Variants in DHX9 observed in about 807,000 individuals in gnomAD.
DHX9 encodes the protein ATP-dependent RNA helicase A.
Under a neutral mutation model 148.7 loss-of-function variants are expected in DHX9, and 27 were observed. That is an observed-to-expected ratio of 0.18 (90% CI 0.13 to 0.25). The LOEUF is 0.25. Among genes scored for constraint, DHX9 ranks in the 10% least tolerant of loss-of-function variants. The pLI, the probability that DHX9 is intolerant of heterozygous loss-of-function variation, is 1.00. For missense variants in DHX9, 796 were observed against 1,559.6 expected, an observed-to-expected ratio of 0.51 and a Z score of 8.25; for synonymous variants, 529 against 516.6, an observed-to-expected ratio of 1.02 and a Z score of -0.33.
In DHX9 at chr1:182,876,917, A is replaced by C; in HGVS notation, c.2198+14A>C. ...TGACTCCTGCAAGTAAGTTACTGGG[A>C]AACCTATTTGTCTGCTCCAGTGTTA... is the stretch of plus-strand genomic sequence containing the variant. On this transcript the variant is annotated intron_variant, in intron 19 of 27. Transcript: ENST00000367549. 1.3e-6 allele frequency: 2 copies of C among 1,597,586 alleles called. No homozygotes were observed. Among genetic ancestry groups the C allele is most frequent in the Non-Finnish European group, 1.7e-6 (2 of 1,166,332 alleles).
rs117476677 is a variant in DHX9, at chr1:182,880,433, A to T, written c.2513-64A>T. On this transcript the variant is annotated intron_variant, in intron 21 of 27. Transcript: ENST00000367549. Reference sequence around the variant, plus strand: ...ACTGTCTTAACCTTAATTTAGAGTAATGTTTTGTCTGCCTAAAATTAGTGT... The same window carrying T: ...ACTGTCTTAACCTTAATTTAGAGTATTGTTTTGTCTGCCTAAAATTAGTGT... 9.4e-5 allele frequency: 102 copies of T among 1,081,984 alleles called. No individual in the cohort carries two copies. The East Asian group carries it at 2.4e-3, about 26-fold the overall frequency. 67.0% of individuals were successfully genotyped at this position (1,081,984 alleles called of 1,614,324 possible). A position where few individuals can be genotyped will look rare whatever the true frequency, so the allele number is the denominator to read the frequency against.
At position 182,859,103 on chromosome 1, in the gene DHX9, C is replaced by A; in HGVS notation, c.1126C>A (p.His376Asn). The change falls in exon 11 of 28, where the codon CAT becomes AAT. Residue 376 changes from histidine to asparagine, a missense_variant. Physicochemically the swap from His to Asn is moderately conservative, Grantham distance 68 (BLOSUM62 1). Around this residue, in one of 14 missense-constraint regions of DHX9, gnomAD observed 42 missense variants for 27.1 expected, o/e 1.55. Transcript: ENST00000367549. ...ATTGATGTACCAGTTGGAACAGGAT[C>A]ATGATTTGCAAGCAGTAAGTCTGAA... is the stretch of plus-strand genomic sequence containing the variant. ...NELMYQLEQD[H>N]DLQAILQERE... is the part of the protein sequence containing the mutation. 6.2e-7 allele frequency: 1 copy of A among 1,613,892 alleles called. No individual in the cohort carries two copies. The highest frequency in any genetic ancestry group is 2.2e-5 in the East Asian group (1 of 44,862).
At chr1:182,843,526 G>A in intron 3 of DHX9, 92 bp downstream of exon 3, 2 of 1,232,100 alleles carry the variant, frequency 1.6e-6, no homozygotes, top group Non-Finnish European at 2.2e-6. Context: ...ATTTTTCACT[G>A]TTTTCAGATA....
At chr1:182,839,776 G>C (rs897918038) in intron 1 of DHX9, 7 of 152,524 alleles carry the variant, frequency 4.6e-5, no homozygotes, top group African/African-American at 1.4e-4. Flanking sequence ...CTGAGGGAAG[G>C]GGGTGCTTCG....
intron 14 of DHX9, among the ~76,000 whole-genome samples, chr1:182,871,439 T>C (rs1051158196): frequency 2.6e-5 from 4 of 152,206 alleles, no homozygotes; most frequent in African/African-American, 7.2e-5. Flanking sequence ...ATATAAATAA[T>C]GGTACCACTT....
At chr1:182,865,000 G>C (rs1427725400) in intron 12 of DHX9, among the ~76,000 whole-genome samples, 1 of 152,102 alleles carries the variant, frequency 6.6e-6, no homozygotes, top group Non-Finnish European at 1.5e-5. Flanking sequence ...AGTAGCATGT[G>C]AACACACCTC....
chr1:182,875,560 G>A (rs1648722635), intron 16 of DHX9, among the ~76,000 whole-genome samples: 1 of 152,132 alleles, frequency 6.6e-6, no homozygotes, highest in Non-Finnish European at 1.5e-5. Context: ...GGATTATCTG[G>A]AAATACAGAC....
rs1356057081 is a variant in DHX9, at chr1:182,866,511, A to C, written c.1400A>C (p.Lys467Thr). ...TTTGAAAGAGGAGAAGAGCCTGGAA[A>C]AAGCTGTGGCTACAGCGTTCGATTT... is the stretch of plus-strand genomic sequence containing the variant. The part of the protein sequence containing the change: ...VAFERGEEPG[K>T]SCGYSVRFES... Residue 467 changes from lysine (K) to threonine (T), a missense_variant, in exon 13 of 28, where the codon AAA becomes ACA. Physicochemically the swap from Lys to Thr is moderately conservative, Grantham distance 78. This residue lies in a region of DHX9 where 58 missense variants were observed against 122.8 expected (regional missense o/e 0.47). Coordinates refer to ENST00000367549, the MANE Select transcript of DHX9 (RefSeq NM_001357.5). The C allele has an allele frequency of 1.2e-6, 2 of 1,614,064 alleles. No individual in the cohort carries two copies. Among genetic ancestry groups the C allele is most frequent in the East Asian group, 4.5e-5 (2 of 44,884 alleles).
At chr1:182,880,825 G>A (rs548526384) in intron 22 of DHX9, among the ~76,000 whole-genome samples, 3 of 152,254 alleles carry the variant, frequency 2.0e-5, no homozygotes, top group South Asian at 4.1e-4. Context: ...AAAGGGCACT[G>A]ATTTCTCAAA....
intron 12 of DHX9, among the ~76,000 whole-genome samples, chr1:182,861,945 G>A (rs1225451239): frequency 2.6e-5 from 4 of 152,222 alleles, no homozygotes. Context: ...TGAAGGTACA[G>A]TAAGTCTAAG....
intron 2 of DHX9, 82 bp from the exon 3 acceptor site, chr1:182,843,212 T>C (rs1667963322): frequency 1.8e-5 from 20 of 1,127,806 alleles, no homozygotes; most frequent in Non-Finnish European, 2.4e-5. Flanking sequence ...TTGTTGTCTC[T>C]TAATGGACTA....
In DHX9 at chr1:182,867,055, G is replaced by A; in HGVS notation, c.1557+12G>A. The A allele has an allele frequency of 2.6e-6, 4 of 1,537,040 alleles. No individual in the cohort carries two copies. The highest frequency in any genetic ancestry group is 2.3e-5 in the South Asian group (2 of 85,312). On this transcript the variant is annotated intron_variant, in intron 14 of 27. Coordinates refer to ENST00000367549, the MANE Select transcript of DHX9 (RefSeq NM_001357.5). ...AAAGAGATATTAATGTAAGTAACTTGAGAGGTACAGTAAGGTACTTAATTC... is the reference window on the plus strand; with the variant it reads ...AAAGAGATATTAATGTAAGTAACTTAAGAGGTACAGTAAGGTACTTAATTC...
chr1:182,853,153 C>G (rs1220575517), intron 4 of DHX9, among the ~76,000 whole-genome samples, 153 bp from the exon 5 acceptor site: 1 of 151,972 alleles, frequency 6.6e-6, no homozygotes, highest in Non-Finnish European at 1.5e-5. Flanking sequence ...TCTCAAACTC[C>G]TGACCACACG....
intron 3 of DHX9, among the ~76,000 whole-genome samples, chr1:182,846,507 T>G (rs2102589900): frequency 6.6e-6 from 1 of 152,374 alleles, no homozygotes; most frequent in Middle Eastern, 3.4e-3. Context: ...GTGCTGGGAT[T>G]ACAGGCGTGA....
chr1:182,856,513 C>G lies in DHX9; in HGVS notation c.627-19C>G, dbSNP rs779003325. On this transcript the variant is annotated intron_variant, in intron 6 of 27. Transcript: ENST00000367549. ...TCTAACAGTGAAATTTCTAACCTTG[C>G]TTGTATATGTTGTTACAGGAGCTTT... 4 of 1,611,786 alleles carry G rather than the reference C, an allele frequency of 2.5e-6. No individual in the cohort carries two copies. The highest frequency in any genetic ancestry group is 3.4e-6 in the Non-Finnish European group (4 of 1,178,568).
intron 3 of DHX9, among the ~76,000 whole-genome samples, chr1:182,849,079 C>T (rs1571298670): frequency 6.6e-6 from 1 of 152,308 alleles, no homozygotes; most frequent in East Asian, 1.9e-4. Flanking sequence ...AAACTGTTAC[C>T]AGCTACCATC....
Position 182,872,507 on chromosome 1 carries a change from G to T in DHX9, c.1714+14G>T. ...ACCCAGTTCAAGGTAATATTGTGGG[G>T]GTGGTATAGGAACATCTTTTGTGCA... is the stretch of plus-strand genomic sequence containing the variant. On this transcript the variant is annotated intron_variant, in intron 15 of 27. Coordinates refer to ENST00000367549, the MANE Select transcript of DHX9 (RefSeq NM_001357.5). 6.2e-7 allele frequency: 1 copy of T among 1,609,394 alleles called. No homozygotes were observed. The highest frequency in any genetic ancestry group is 8.5e-7 in the Non-Finnish European group (1 of 1,177,960).
rs1450648605 is a variant in DHX9, at chr1:182,860,066, C to T, written c.1214C>T (p.Ser405Leu). ...ATTCTGGAAGCAATCAGCCAAAATT[C>T]AGTTGTCATTATTAGAGGGGCTACT... The part of the protein sequence containing the change: ...SEILEAISQN[S>L]VVIIRGATGC... The change falls in exon 12 of 28, where the codon TCA becomes TTA. Residue 405 changes from serine (S) to leucine (L), a missense_variant. Coordinates refer to ENST00000367549, the MANE Select transcript of DHX9 (RefSeq NM_001357.5). 1 of 1,613,908 alleles carries T rather than the reference C, an allele frequency of 6.2e-7. No individual in the cohort carries two copies. The highest frequency in any genetic ancestry group is 1.7e-5 in the Admixed American group (1 of 59,982).
At chr1:182,885,963 G>T (rs1039656245) in intron 27 of DHX9, among the ~76,000 whole-genome samples, 10 of 152,306 alleles carry the variant, frequency 6.6e-5, no homozygotes, top group Non-Finnish European at 1.3e-4. Flanking sequence ...AAGGATAACA[G>T]TCCGGAAACT....
Sources: gnomAD v4.1 joint callset for allele counts (sites outside exome capture counted in the v4.1 genomes callset) on GRCh38, gnomAD v4.1.1 for gene constraint, gnomAD v4.1.1 regional missense constraint, MANE v1.5 for transcripts, NCBI Gene and HGNC (gene_info 2026-07-23, HGNC 2026-07-21) for gene names.